Variants in KNDC1 observed in about 807,000 individuals in gnomAD.
KNDC1 encodes the protein kinase non-catalytic C-lobe domain containing 1, also known as kinase non-catalytic C-lobe domain-containing protein 1.
A neutral mutation model predicts 172.8 loss-of-function variants in KNDC1; 106 were observed. That is an observed-to-expected ratio of 0.61 (90% CI 0.52 to 0.72). KNDC1 has a LOEUF of 0.72. KNDC1 is among the 30% of genes least tolerant of loss of function. KNDC1 has a pLI of 0.00. For synonymous variants in KNDC1, 1,083 were observed against 1,062.2 expected, an observed-to-expected ratio of 1.02 and a Z score of -0.38; for missense variants, 2,325 against 2,394.5, an observed-to-expected ratio of 0.97 and a Z score of 0.61.
At chr10:133,183,612 G>A in intron 4 of KNDC1, 122 bp downstream of exon 4, 1 of 1,175,812 alleles carries the variant, frequency 8.5e-7, no homozygotes, top group East Asian at 2.6e-5. Context: ...CAGTCTCATG[G>A]CATGGCATTT....
chr10:133,185,495 G>A (rs1406855422), intron 5 of KNDC1, among the ~76,000 whole-genome samples: 1 of 150,794 alleles, frequency 6.6e-6, no homozygotes, highest in Admixed American at 6.6e-5. Flanking sequence ...TGTGGAGTAG[G>A]CAGTGTGTGC....
chr10:133,196,804 C>T (rs975864702), intron 10 of KNDC1, among the ~76,000 whole-genome samples: 2 of 152,174 alleles, frequency 1.3e-5, no homozygotes, highest in Non-Finnish European at 2.9e-5. Flanking sequence ...GACGAGGCTA[C>T]CAGGTCTGTG....
chr10:133,184,028 A>G (rs780682602), intron 5 of KNDC1, 39 bp downstream of exon 5: 7 of 1,038,640 alleles, frequency 6.7e-6, no homozygotes, highest in Non-Finnish European at 4.2e-6. Flanking sequence ...CCTCATGCAC[A>G]TATACCTGTG....
rs763319925 is a variant in KNDC1 at position 133,213,727 on chromosome 10, A to G, written c.4526A>G (p.Lys1509Arg). Reference protein sequence around the residue: ...GVMDKSTAIPKASSSESLSAK... With the variant: ...GVMDKSTAIPRASSSESLSAK... ...ATGGACAAGAGCACTGCCATCCCCA[A>G]GTGAGCGTCCGGGACCCTCAGCTGG... The change falls in exon 25 of 30, where the codon AAA (lysine) becomes AGA (arginine). Residue 1509 changes from lysine to arginine, a missense_variant and splice_region_variant. Physicochemically the swap from Lys to Arg is conservative, Grantham distance 26 (BLOSUM62 2). Coordinates refer to ENST00000304613, the MANE Select transcript of KNDC1 (RefSeq NM_152643.8). 37 of 1,613,696 alleles carry G rather than the reference A, an allele frequency of 2.3e-5. No homozygotes were observed. The highest frequency in any genetic ancestry group is 3.0e-5 in the Non-Finnish European group (35 of 1,179,846).
chr10:133,191,437 C>A (rs1313139171), intron 9 of KNDC1, among the ~76,000 whole-genome samples: 1 of 151,892 alleles, frequency 6.6e-6, no homozygotes, highest in Non-Finnish European at 1.5e-5. Context: ...TGGTGGCTCA[C>A]ACCTGTAATC....
chr10:133,183,603 A>G (rs1853791476), intron 4 of KNDC1, 113 bp downstream of exon 4: 1 of 1,206,436 alleles, frequency 8.3e-7, no homozygotes, highest in African/African-American at 1.5e-5. Flanking sequence ...CCGCAACCAC[A>G]GTCTCATGGC....
At chr10:133,182,936 ACAGGCG>A (rs1242992353) in intron 3 of KNDC1, among the ~76,000 whole-genome samples, 9 of 7,782 alleles carry the variant, frequency 1.2e-3, no homozygotes, top group Non-Finnish European at 2.6e-3. Flanking sequence ...CGGTGTGGGC[ACAGGCG>A]GTGTGGGCAC....
At chr10:133,182,957 GGTGTGGGCACAGGCGGT>G (rs1283788098) in intron 3 of KNDC1, among the ~76,000 whole-genome samples, 1 of 146,044 alleles carries the variant, frequency 6.8e-6, no homozygotes, top group Non-Finnish European at 1.5e-5. Context: ...GGGCACAGGC[GGTGTGGGCACAGGCGGT>G]GTGGGCACAG....
chr10:133,186,592 C>G lies in KNDC1; in HGVS notation c.1244C>G (p.Ala415Gly). ...GAGGCCCCTGCAGACCCTCGAGATG[C>G]TAGCGGTGAAGCCCAGACTCCCAGG... The part of the protein sequence containing the change: ...PAEAPADPRD[A>G]SGEAQTPRDD... The change falls in exon 6 of 30, where the codon GCT (alanine) becomes GGT (glycine). Residue 415 changes from alanine (A) to glycine (G), a missense_variant. Ala to Gly is a moderately conservative substitution (Grantham distance 60, BLOSUM62 0). Transcript: ENST00000304613. 1.2e-6 allele frequency: 2 copies of G among 1,604,366 alleles called. No homozygotes were observed. The highest frequency in any genetic ancestry group is 1.7e-6 in the Non-Finnish European group (2 of 1,179,816).
chr10:133,166,273 G>C (rs902163241), intron 1 of KNDC1, among the ~76,000 whole-genome samples: 2 of 152,222 alleles, frequency 1.3e-5, no homozygotes, highest in Non-Finnish European at 2.9e-5. Flanking sequence ...CCCACCCATA[G>C]TGTCCAGGCT....
intron 3 of KNDC1, among the ~76,000 whole-genome samples, chr10:133,178,200 CATGT>C (rs1192474424): frequency 1.4e-5 from 2 of 146,802 alleles, no homozygotes; most frequent in Non-Finnish European, 3.0e-5. Flanking sequence ...TGCAGTGTGG[CATGT>C]GTATGTATGT....
intron 17 of KNDC1, among the ~76,000 whole-genome samples, chr10:133,202,869 G>A (rs1429962661): frequency 2.9e-4 from 44 of 152,230 alleles, no homozygotes; most frequent in Admixed American, 2.8e-3. Flanking sequence ...AGGGCCTGAG[G>A]GGGCTTCGAG....
In KNDC1 at chr10:133,211,563, C is replaced by T. The variant is rs1326685502; in HGVS notation, c.4050C>T (p.Ser1350=). The T allele has an allele frequency of 1.9e-6, 3 of 1,613,490 alleles. No homozygotes were observed. The South Asian group carries it at 3.3e-5, about 18-fold the overall frequency. Residue 1350 remains serine (S), a synonymous_variant, in exon 22 of 30, where the codon TCC becomes TCT. Transcript: ENST00000304613. ...GLLGKLEDFI[S]SKILPLDGSA... ...TGGGGAAGCTAGAGGACTTCATCTCCTCCAAGGTGACAGTGGCGCTGAGCT... is the reference window on the plus strand; with the variant it reads ...TGGGGAAGCTAGAGGACTTCATCTCTTCCAAGGTGACAGTGGCGCTGAGCT...
In KNDC1 at chr10:133,197,740, T is replaced by G. The variant is rs1169704103; in HGVS notation, c.1878T>G (p.Ser626Arg). ...TCTCAGTGGTTGAACTGAAGCCCAG[T>G]GTGGCACCAGCCCCAGAGCCCAGCC... is the stretch of plus-strand genomic sequence containing the variant. ...NAFSVVELKP[S>R]VAPAPEPSPG... The change falls in exon 12 of 30, where the codon AGT becomes AGG. Residue 626 changes from serine to arginine, a missense_variant. Ser to Arg is a moderately radical substitution (Grantham distance 110). Coordinates refer to ENST00000304613, the MANE Select transcript of KNDC1 (RefSeq NM_152643.8). 6.2e-7 allele frequency: 1 copy of G among 1,612,912 alleles called. No individual in the cohort carries two copies. The highest frequency in any genetic ancestry group is 8.5e-7 in the Non-Finnish European group (1 of 1,179,878).
rs1845213850 is a variant in KNDC1, at chr10:133,206,969, G to T, written c.3579+16G>T. 1 of 1,605,776 alleles carries T rather than the reference G, an allele frequency of 6.2e-7. No individual in the cohort carries two copies. The highest frequency in any genetic ancestry group is 8.5e-7 in the Non-Finnish European group (1 of 1,172,716). ...GTATCTGCAGGCAAGTGGGCTCCGGGCCCCGCTCTGCCCCGTGAGGCAGTA... is the reference window on the plus strand; with the variant it reads ...GTATCTGCAGGCAAGTGGGCTCCGGTCCCCGCTCTGCCCCGTGAGGCAGTA... On this transcript the variant is annotated intron_variant, in intron 19 of 29. Transcript: ENST00000304613.
chr10:133,191,627 G>T (rs1377628129), intron 9 of KNDC1, among the ~76,000 whole-genome samples: 1 of 152,028 alleles, frequency 6.6e-6, no homozygotes, highest in African/African-American at 2.4e-5. Flanking sequence ...TTGAACCCAG[G>T]AGGCAGAGGT....
At position 133,211,752 on chromosome 10, in the gene KNDC1, G is replaced by A. The variant is rs1305554033; in HGVS notation, c.4130G>A (p.Gly1377Asp). The A allele has an allele frequency of 6.2e-7, 1 of 1,609,880 alleles. No individual in the cohort carries two copies. The highest frequency in any genetic ancestry group is 1.3e-5 in the African/African-American group (1 of 74,806). The change falls in exon 23 of 30, where the codon GGC (glycine) becomes GAC (aspartate). Residue 1377 changes from glycine to aspartate, a missense_variant. Transcript: ENST00000304613. The stretch of plus-strand genomic sequence containing the variant: ...GTGGGCATGGACCGGCGGGCCGAGG[G>A]CAACCCTCGCGGCACAGACCTGGAG... ...LEVGMDRRAEGNPRGTDLENP... is the reference protein window; with the variant it reads ...LEVGMDRRAEDNPRGTDLENP...
In KNDC1 at chr10:133,160,502, A is replaced by T. The variant is rs757057605; in HGVS notation, c.35A>T (p.Tyr12Phe). Residue 12 changes from tyrosine (Y) to phenylalanine (F), a missense_variant, in exon 1 of 30, where the codon TAC becomes TTC. Coordinates refer to ENST00000304613, the MANE Select transcript of KNDC1 (RefSeq NM_152643.8). ...ATGGACCCGGCCGCGGCGGATCTTTACGAGGAGGACGGCAAAGACCTGGAC... is the reference window on the plus strand; with the variant it reads ...ATGGACCCGGCCGCGGCGGATCTTTTCGAGGAGGACGGCAAAGACCTGGAC... ...QAMDPAAADL[Y>F]EEDGKDLDFY... The T allele has an allele frequency of 1.9e-6, 3 of 1,590,100 alleles. No individual in the cohort carries two copies. Among genetic ancestry groups the T allele is most frequent in the Non-Finnish European group, 1.7e-6 (2 of 1,170,162 alleles).
At position 133,224,957 on chromosome 10, in the gene KNDC1, G is replaced by A; in HGVS notation, c.*67G>A. The A allele has an allele frequency of 7.6e-7, 1 of 1,314,670 alleles. No individual in the cohort carries two copies. The highest frequency in any genetic ancestry group is 1.1e-6 in the Non-Finnish European group (1 of 925,958). 81.4% of individuals were successfully genotyped at this position (1,314,670 alleles called of 1,614,324 possible). A position where few individuals can be genotyped will look rare whatever the true frequency, so the allele number is the denominator to read the frequency against. ...CTGTGGGGGGCGGGCTGGGAGGTGG[G>A]AGCCGCGTCTCAGGCCCGGCCGTTA... On this transcript the variant is annotated 3_prime_UTR_variant, in exon 30 of 30. Coordinates refer to ENST00000304613, the MANE Select transcript of KNDC1 (RefSeq NM_152643.8). The surrounding 1 kb of genome is among the most constrained non-coding windows in gnomAD (Gnocchi z 5.4).
Sources: gnomAD v4.1 joint callset for allele counts (sites outside exome capture counted in the v4.1 genomes callset) on GRCh38, gnomAD v4.1.1 for gene constraint, Gnocchi (gnomAD v3.1) non-coding constraint, MANE v1.5 for transcripts, NCBI Gene and HGNC (gene_info 2026-07-23, HGNC 2026-07-21) for gene names.